The following C5 variants were observed in gnomAD, a reference collection of about 807,000 sequenced individuals.
The protein encoded by C5 is complement C5.
In C5, 140 loss-of-function variants were observed where a neutral mutation model predicts 218.8. That is an observed-to-expected ratio of 0.64 (90% CI 0.56 to 0.74). The LOEUF (loss-of-function observed/expected upper bound fraction) is 0.74, where lower values mean the gene tolerates loss of function less well. C5 is among the 30% of genes least tolerant of loss of function. The pLI is 0.00. For missense variants in C5, 1,700 were observed against 1,969.6 expected, an observed-to-expected ratio of 0.86 and a Z score of 2.59; for synonymous variants, 614 against 682.3, an observed-to-expected ratio of 0.90 and a Z score of 1.56.
chr9:121,070,379 A>C, the C5 span, among the ~76,000 whole-genome samples: 1 of 93,284 alleles, frequency 1.1e-5, no homozygotes, highest in South Asian at 4.0e-4. Context: ...GAAGGAAGGA[A>C]GGGTGATATA....
At chr9:120,962,465 G>T (rs562190248) in intron 36 of C5, among the ~76,000 whole-genome samples, 1 of 152,260 alleles carries the variant, frequency 6.6e-6, no homozygotes, top group South Asian at 2.1e-4. Context: ...GAGGACTGAG[G>T]TGAAACGGTC....
intron 7 of C5, among the ~76,000 whole-genome samples, chr9:121,028,199 T>C (rs536124080): frequency 8.4e-4 from 128 of 152,288 alleles, no homozygotes; most frequent in African/African-American, 2.8e-3. Flanking sequence ...AAACAACAGA[T>C]GCTGGAGAGG....
At chr9:120,978,752 C>T (rs2046970442) in intron 28 of C5, among the ~76,000 whole-genome samples, 1 of 152,280 alleles carries the variant, frequency 6.6e-6, no homozygotes, top group East Asian at 1.9e-4. Flanking sequence ...CTTTATTCTT[C>T]AAAACCAAAC....
Position 121,002,335 on chromosome 9 carries a change from TATATATAC to T in C5, c.2562+3576_2562+3583del, listed in dbSNP as rs1564146838. 1.1e-3 allele frequency among the ~76,000 whole-genome samples: 121 copies of T among 109,426 alleles called. 3 individuals carry two copies. The highest frequency in any genetic ancestry group is 4.2e-3 in the African/African-American group (114 of 27,158). The allele number at this position is 109,426 out of a possible 152,430, so 71.8% of individuals were successfully genotyped here. A position where few individuals can be genotyped will look rare whatever the true frequency, so the allele number is the denominator to read the frequency against. On this transcript the variant is annotated intron_variant, in intron 20 of 40. Coordinates refer to ENST00000223642, the MANE Select transcript of C5 (RefSeq NM_001735.3). The stretch of plus-strand genomic sequence containing the variant: ...GTGTGTGTATATATATATATATATA[TATATATAC>T]ACACATACCTACACAAGCCGATTTT...
the C5 span, among the ~76,000 whole-genome samples, chr9:121,061,143 G>A: frequency 3.9e-5 from 6 of 152,120 alleles, no homozygotes; most frequent in African/African-American, 7.2e-5. Context: ...AGCGGAGATC[G>A]TGCCACTGCA....
At position 121,017,834 on chromosome 9, in the gene C5, T is replaced by A; in HGVS notation, c.1525A>T (p.Ile509Phe). Reference protein sequence around the residue: ...YNYLILSKGKIIHFGTREKFS... With the variant: ...YNYLILSKGKFIHFGTREKFS... ...TTCTCCCTCGTGCCAAAGTGGATAA[T>A]TTTGCCCTTGGATAAAATCTAAAAA... The change falls in exon 13 of 41, where the codon ATT (isoleucine) becomes TTT (phenylalanine). Residue 509 changes from isoleucine to phenylalanine, a missense_variant. Coordinates refer to ENST00000223642, the MANE Select transcript of C5 (RefSeq NM_001735.3). 1 of 1,612,742 alleles carries A rather than the reference T, an allele frequency of 6.2e-7. No individual in the cohort carries two copies. Among genetic ancestry groups the A allele is most frequent in the Non-Finnish European group, 8.5e-7 (1 of 1,178,930 alleles).
the C5 span, among the ~76,000 whole-genome samples, chr9:121,055,762 T>G: frequency 6.6e-6 from 1 of 152,166 alleles, no homozygotes; most frequent in East Asian, 1.9e-4. Flanking sequence ...GCTGCAGGCC[T>G]TGGTGAGCCC....
intron 39 of C5, chr9:120,957,071 C>A: frequency 1.1e-5 from 5 of 451,726 alleles, no homozygotes; most frequent in South Asian, 6.8e-5. Context: ...TTGAAAAAAA[C>A]ATTTTGCTGA....
chr9:120,953,785 G>T lies in C5; in HGVS notation c.4846C>A (p.Gln1616Lys). 2 of 1,613,848 alleles carry T rather than the reference G, an allele frequency of 1.2e-6. No homozygotes were observed. Among genetic ancestry groups the T allele is most frequent in the Non-Finnish European group, 1.7e-6 (2 of 1,179,770 alleles). Residue 1616 changes from glutamine to lysine, a missense_variant, in exon 40 of 41, where the codon CAG (glutamine) becomes AAG (lysine). Transcript: ENST00000223642. ...GCTTCTTTACCCATAATTAAGTACT[G>T]TCTTCCTTTTACCAGCTCAGCGTTA... ...CTNAELVKGRQYLIMGKEALQ... is the reference protein window; with the variant it reads ...CTNAELVKGRKYLIMGKEALQ...
chr9:120,956,918 AC>A (rs2046788913), intron 39 of C5: 1 of 323,964 alleles, frequency 3.1e-6, no homozygotes, highest in Admixed American at 4.4e-5. Context: ...CCTATTGGGT[AC>A]TATGCTTATT....
At chr9:120,991,361 A>G (rs1200731544) in intron 22 of C5, 81 bp from the exon 23 acceptor site, 7 of 802,218 alleles carry the variant, frequency 8.7e-6, no homozygotes, top group Non-Finnish European at 4.4e-6. Context: ...ATCTACTTCC[A>G]AAGAATATTT....
chr9:121,015,332 A>G, intron 15 of C5, 71 bp from the exon 16 acceptor site: 1 of 1,018,998 alleles, frequency 9.8e-7, no homozygotes, highest in Non-Finnish European at 1.5e-6. Flanking sequence ...AAATTCCATG[A>G]AACTATTTAA....
At chr9:121,004,166 G>T (rs1308492972) in intron 20 of C5, among the ~76,000 whole-genome samples, 1 of 152,030 alleles carries the variant, frequency 6.6e-6, no homozygotes, top group Non-Finnish European at 1.5e-5. Context: ...ACCGCTCCTG[G>T]CCGAGAAGAG....
intron 10 of C5, among the ~76,000 whole-genome samples, chr9:121,022,484 T>G (rs2047374523): frequency 6.7e-6 from 1 of 148,698 alleles, no homozygotes; most frequent in Non-Finnish European, 1.5e-5. Context: ...CTATATATAG[T>G]ATATATATGT....
chr9:120,974,749 G>A, intron 30 of C5, 30 bp downstream of exon 30: 1 of 1,592,578 alleles, frequency 6.3e-7, no homozygotes, highest in East Asian at 2.2e-5. Context: ...TCAGCCAATT[G>A]TAAAATACTA....
chr9:121,068,744 G>A, the C5 span, among the ~76,000 whole-genome samples: 1 of 152,144 alleles, frequency 6.6e-6, no homozygotes, highest in Non-Finnish European at 1.5e-5. Flanking sequence ...CAAAGCTGTA[G>A]TAACCAAAAT....
chr9:120,985,910 C>A (rs1235701684), intron 25 of C5, among the ~76,000 whole-genome samples: 1 of 152,148 alleles, frequency 6.6e-6, no homozygotes, highest in Non-Finnish European at 1.5e-5. Context: ...AAATACTGAG[C>A]AGTTAATCTA....
chr9:121,025,288 A>G (rs10818498), intron 9 of C5, among the ~76,000 whole-genome samples, 166 bp downstream of exon 9: 78,479 of 152,000 alleles, frequency 0.52, 22,585 homozygotes, highest in South Asian at 0.8. Flanking sequence ...CTGCCTTTTT[A>G]TAACTATATA....
intron 20 of C5, among the ~76,000 whole-genome samples, chr9:121,000,357 C>T (rs911898780): frequency 8.5e-5 from 13 of 152,082 alleles, no homozygotes; most frequent in Non-Finnish European, 1.8e-4. Context: ...ACATCAAAAA[C>T]GTTTGAAAAA....
Sources: gnomAD v4.1 joint callset for allele counts (sites outside exome capture counted in the v4.1 genomes callset) on GRCh38, gnomAD v4.1.1 for gene constraint, MANE v1.5 for transcripts, NCBI Gene and HGNC (gene_info 2026-07-23, HGNC 2026-07-21) for gene names.